POFUT2: variants seen among roughly 807,000 people sequenced by gnomAD.
The protein encoded by POFUT2 is protein O-fucosyltransferase 2.
In POFUT2, 30 loss-of-function variants were observed where a neutral mutation model predicts 55.0. The observed-to-expected ratio is 0.55, with a 90% CI of 0.41 to 0.74. The LOEUF is 0.74. Among genes scored for constraint, POFUT2 ranks in the 30% least tolerant of loss-of-function variants. POFUT2 has a pLI of 0.00. For synonymous variants in POFUT2, 267 were observed against 231.1 expected (o/e 1.16, Z -1.41); for missense variants, 524 against 562.6 (o/e 0.93, Z 0.69).
Position 45,264,357 on chromosome 21 carries a change from G to A in POFUT2, c.*1125C>T, listed in dbSNP as rs181475993. The stretch of plus-strand genomic sequence containing the variant: ...ATGGTGGAAAGTCACAAAGGGTAAC[G>A]GGCCAAGAGGGTGAGGGGGGCTCCC... On this transcript the variant is annotated 3_prime_UTR_variant, in exon 9 of 9. Coordinates refer to ENST00000349485, the MANE Select transcript of POFUT2 (RefSeq NM_133635.6). 2.5e-3 allele frequency: 384 copies of A among 152,420 alleles called. 1 individual carries two copies. Among genetic ancestry groups the A allele is most frequent in the Non-Finnish European group, 3.9e-3 (268 of 68,106 alleles). The allele number at this position is 152,420 out of a possible 1,614,324, so 9.4% of individuals were successfully genotyped here.
intron 4 of POFUT2, among the ~76,000 whole-genome samples, chr21:45,278,832 G>A (rs2030162303): frequency 6.6e-6 from 1 of 152,298 alleles, no homozygotes; most frequent in African/African-American, 2.4e-5. Flanking sequence ...CTCGCAGGCA[G>A]GTGCCTCCTC....
chr21:45,269,272 C>G lies in POFUT2; in HGVS notation c.1012+567G>C, dbSNP rs537733725. Among the ~76,000 whole-genome samples, 229 of 152,318 alleles carry G rather than the reference C, an allele frequency of 1.5e-3. 1 individual carries two copies. Among genetic ancestry groups the G allele is most frequent in the African/African-American group, 4.9e-3 (205 of 41,552 alleles). On this transcript the variant is annotated intron_variant, in intron 7 of 8. Transcript: ENST00000349485. ...AAGAGCCCCTCTGCCCGGCCACCAC[C>G]CCGTCTGGGAGGGGTACCCAACAGC... is the stretch of plus-strand genomic sequence containing the variant.
In POFUT2 at chr21:45,269,991, G is replaced by A. The variant is rs1204413715; in HGVS notation, c.860C>T (p.Pro287Leu). The change falls in exon 7 of 9, where the codon CCC becomes CTC. Residue 287 changes from proline to leucine, a missense_variant. Transcript: ENST00000349485. Reference sequence around the variant, plus strand: ...TCTTCTCAGGTGGACTCCCAGGTAGGGGCCCCCTAGCGCGGAGCCCAGCTT... The same window carrying A: ...TCTTCTCAGGTGGACTCCCAGGTAGAGGCCCCCTAGCGCGGAGCCCAGCTT... ...KVKLGSALGG[P>L]YLGVHLRRKD... 2.5e-6 allele frequency: 4 copies of A among 1,571,214 alleles called. No homozygotes were observed. Among genetic ancestry groups the A allele is most frequent in the Non-Finnish European group, 3.4e-6 (4 of 1,164,658 alleles).
In POFUT2 at chr21:45,270,703, C is replaced by T. The variant is rs575627139; in HGVS notation, c.832-684G>A. ...TGCTGGAACCCATGGCTGGGAGACC[C>T]GAAGACGGATCACAGCACAGGACTC... On this transcript the variant is annotated intron_variant, in intron 6 of 8. Transcript: ENST00000349485. This position sits in a 1 kb window ranked among gnomAD's most constrained non-coding sequence, Gnocchi z 4.6. Among the ~76,000 whole-genome samples, 34 of 152,352 alleles carry T rather than the reference C, an allele frequency of 2.2e-4. No homozygotes were observed. Among genetic ancestry groups the T allele is most frequent in the African/African-American group, 7.0e-4 (29 of 41,580 alleles).
intron 6 of POFUT2, among the ~76,000 whole-genome samples, chr21:45,272,317 T>C (rs760469021): frequency 1.3e-5 from 2 of 152,156 alleles, no homozygotes; most frequent in African/African-American, 2.4e-5. Context: ...TGGAGGAACA[T>C]TATATAATGA....
rs1292892728 is a variant in POFUT2, at chr21:45,277,710, A to G, written c.705+393T>C. 1 of 239,610 alleles carries G rather than the reference A, an allele frequency of 4.2e-6. No homozygotes were observed. The highest frequency in any genetic ancestry group is 2.3e-5 in the African/African-American group (1 of 43,848). The allele number at this position is 239,610 out of a possible 1,614,324, so 14.8% of individuals were successfully genotyped here. A position where few individuals can be genotyped will look rare whatever the true frequency, so the allele number is the denominator to read the frequency against. On this transcript the variant is annotated intron_variant, in intron 5 of 8. Coordinates refer to ENST00000349485, the MANE Select transcript of POFUT2 (RefSeq NM_133635.6). The surrounding 1 kb of genome is among the most constrained non-coding windows in gnomAD (Gnocchi z 6.9). Reference sequence around the variant, plus strand: ...AGGGGTGGCTATGGGAAGTCACCCCATCAATGCGGAAATCAACGCCAACGG... The same window carrying G: ...AGGGGTGGCTATGGGAAGTCACCCCGTCAATGCGGAAATCAACGCCAACGG...
intron 4 of POFUT2, among the ~76,000 whole-genome samples, chr21:45,278,522 G>A (rs1173754838): frequency 2.6e-5 from 4 of 152,200 alleles, no homozygotes; most frequent in Non-Finnish European, 5.9e-5. Context: ...AGGGGAGGGT[G>A]GGGGAAGGTT....
rs2093162702 is a variant in POFUT2, at chr21:45,267,116, G to A, written c.1136+474C>T. The A allele has an allele frequency of 1.4e-5, 17 of 1,193,806 alleles. No homozygotes were observed. The South Asian group carries it at 2.9e-4, about 20-fold the overall frequency. The allele number at this position is 1,193,806 out of a possible 1,614,324, so 74.0% of individuals were successfully genotyped here. ...AGCCCCACAAGAACGATCACACGAG[G>A]GCCCATGCTCCCAGCCTTGGGGACG... On this transcript the variant is annotated intron_variant, in intron 8 of 8. Transcript: ENST00000349485. The surrounding 1 kb of genome is among the most constrained non-coding windows in gnomAD (Gnocchi z 4.4).
intron 7 of POFUT2, among the ~76,000 whole-genome samples, chr21:45,268,945 T>C (rs1381799739): frequency 1.0e-5 from 1 of 98,894 alleles, no homozygotes; most frequent in Admixed American, 9.0e-5. Flanking sequence ...AGCCGCCCCG[T>C]CCGGGAGGTG....
intron 8 of POFUT2, chr21:45,266,958 G>C: frequency 9.8e-7 from 1 of 1,022,922 alleles, no homozygotes; most frequent in Non-Finnish European, 1.2e-6. Context: ...AGGCCCAGGC[G>C]TACCTCCCAC....
chr21:45,286,093 C>T (rs191821660), intron 1 of POFUT2, among the ~76,000 whole-genome samples, 165 bp from the exon 2 acceptor site: 28 of 152,272 alleles, frequency 1.8e-4, no homozygotes, highest in African/African-American at 6.7e-4. Context: ...CAGTTACTTA[C>T]GGAGCCTGTA....
Position 45,277,709 on chromosome 21 carries a change from C to A in POFUT2, c.705+394G>T. 1 of 238,720 alleles carries A rather than the reference C, an allele frequency of 4.2e-6. No individual in the cohort carries two copies. Among genetic ancestry groups the A allele is most frequent in the Non-Finnish European group, 8.3e-6 (1 of 120,954 alleles). The allele number at this position is 238,720 out of a possible 1,614,324, so 14.8% of individuals were successfully genotyped here. A position where few individuals can be genotyped will look rare whatever the true frequency, so the allele number is the denominator to read the frequency against. On this transcript the variant is annotated intron_variant, in intron 5 of 8. Coordinates refer to ENST00000349485, the MANE Select transcript of POFUT2 (RefSeq NM_133635.6). This position sits in a 1 kb window ranked among gnomAD's most constrained non-coding sequence, Gnocchi z 6.9. ...CAGGGGTGGCTATGGGAAGTCACCC[C>A]ATCAATGCGGAAATCAACGCCAACG...
chr21:45,285,143 T>C lies in POFUT2; in HGVS notation c.382+535A>G. On this transcript the variant is annotated intron_variant, in intron 2 of 8. Transcript: ENST00000349485. This position sits in a 1 kb window ranked among gnomAD's most constrained non-coding sequence, Gnocchi z 4.9. ...TCAAGTGCAGCAGCAAAGCATCACTTACCTTTATCTCTTCCAAACAACGCA... is the reference window on the plus strand; with the variant it reads ...TCAAGTGCAGCAGCAAAGCATCACTCACCTTTATCTCTTCCAAACAACGCA... 1 of 161,414 alleles carries C rather than the reference T, an allele frequency of 6.2e-6. No individual in the cohort carries two copies. 10.0% of individuals were successfully genotyped at this position (161,414 alleles called of 1,614,324 possible). A position where few individuals can be genotyped will look rare whatever the true frequency, so the allele number is the denominator to read the frequency against.
At chr21:45,266,449 G>C in intron 8 of POFUT2, 2 of 1,152,452 alleles carry the variant, frequency 1.7e-6, no homozygotes, top group Non-Finnish European at 2.2e-6. Context: ...CGAGCGCTTC[G>C]CGCAGCTGAG....
rs2093134469 is a variant in POFUT2, at chr21:45,264,272, A to G, written c.*1210T>C. 2 of 152,248 alleles carry G rather than the reference A, an allele frequency of 1.3e-5. No homozygotes were observed. Among genetic ancestry groups the G allele is most frequent in the African/African-American group, 4.8e-5 (2 of 41,466 alleles). 9.4% of individuals were successfully genotyped at this position (152,248 alleles called of 1,614,324 possible). On this transcript the variant is annotated 3_prime_UTR_variant, in exon 9 of 9. Transcript: ENST00000349485. ...GTCACTGTTCCTCTAGCAGATGTGG[A>G]AAGTGGCTGCTCAGTGAGGACTCAG...
At position 45,282,328 on chromosome 21, in the gene POFUT2, C is replaced by T. The variant is rs377754129; in HGVS notation, c.638+21G>A. On this transcript the variant is annotated intron_variant, in intron 4 of 8. Coordinates refer to ENST00000349485, the MANE Select transcript of POFUT2 (RefSeq NM_133635.6). The surrounding 1 kb of genome is among the most constrained non-coding windows in gnomAD (Gnocchi z 4.6). ...GACGCCACAGCCTCCAGGCTGCTCC[C>T]GGGGGGCCTGGGGCACTCACCGGGC... is the stretch of plus-strand genomic sequence containing the variant. The T allele has an allele frequency of 9.9e-6, 15 of 1,511,654 alleles. No individual in the cohort carries two copies. Among genetic ancestry groups the T allele is most frequent in the Admixed American group, 1.7e-5 (1 of 59,686 alleles). 93.6% of individuals were successfully genotyped at this position (1,511,654 alleles called of 1,614,324 possible).
At position 45,264,516 on chromosome 21, in the gene POFUT2, C is replaced by G. The variant is rs2093136615; in HGVS notation, c.*966G>C. The G allele has an allele frequency of 6.6e-6, 1 of 152,258 alleles. No homozygotes were observed. Among genetic ancestry groups the G allele is most frequent in the Non-Finnish European group, 1.5e-5 (1 of 68,084 alleles). 9.4% of individuals were successfully genotyped at this position (152,258 alleles called of 1,614,324 possible). ...ATTTCTGTAAAATGGGTACAAGGAGCTCCCTGATAAAGCAGCTCATCCTAG... is the reference window on the plus strand; with the variant it reads ...ATTTCTGTAAAATGGGTACAAGGAGGTCCCTGATAAAGCAGCTCATCCTAG... On this transcript the variant is annotated 3_prime_UTR_variant, in exon 9 of 9. Coordinates refer to ENST00000349485, the MANE Select transcript of POFUT2 (RefSeq NM_133635.6).
rs1370904679 is a variant in POFUT2, at chr21:45,264,969, C to G, written c.*513G>C. The stretch of plus-strand genomic sequence containing the variant: ...GAGGAAACACACAGGCAGCCTCCTG[C>G]TGCGCGGAGGGCAACGGAGAGATTC... On this transcript the variant is annotated 3_prime_UTR_variant, in exon 9 of 9. Coordinates refer to ENST00000349485, the MANE Select transcript of POFUT2 (RefSeq NM_133635.6). 2 of 152,842 alleles carry G rather than the reference C, an allele frequency of 1.3e-5. No homozygotes were observed. Among genetic ancestry groups the G allele is most frequent in the African/African-American group, 4.8e-5 (2 of 41,472 alleles). The allele number at this position is 152,842 out of a possible 1,614,324, so 9.5% of individuals were successfully genotyped here. A position where few individuals can be genotyped will look rare whatever the true frequency, so the allele number is the denominator to read the frequency against.
intron 6 of POFUT2, among the ~76,000 whole-genome samples, chr21:45,275,383 T>C (rs534474458): frequency 9.4e-4 from 143 of 152,248 alleles, no homozygotes; most frequent in African/African-American, 1.5e-3. Flanking sequence ...GAGCTAAAAG[T>C]AGAACTACCA....
Sources: allele counts gnomAD v4.1 joint callset (sites outside exome capture counted in the v4.1 genomes callset), GRCh38; gene constraint gnomAD v4.1.1; non-coding constraint Gnocchi (gnomAD v3.1); transcripts MANE v1.5; gene names NCBI Gene and HGNC (gene_info 2026-07-23, HGNC 2026-07-21).